MCF2L2: variants seen among roughly 807,000 people sequenced by gnomAD.
The protein encoded by MCF2L2 is MCF.2 cell line derived transforming sequence-like 2.
MCF2L2 carries 102 observed loss-of-function variants against 150.2 expected under a neutral mutation model. The ratio of observed to expected loss-of-function variants is 0.68; its 90% confidence interval spans 0.58 to 0.80. The LOEUF (loss-of-function observed/expected upper bound fraction) is 0.80, where lower values mean the gene tolerates loss of function less well. Ranked by LOEUF, MCF2L2 falls within the 30% of genes least tolerant of loss-of-function variation. The pLI is 0.00. For missense variants in MCF2L2, 1,256 were observed against 1,372.8 expected (o/e 0.91, Z 1.34); for synonymous variants, 465 against 491.3 (o/e 0.95, Z 0.71).
At chr3:183,354,913 G>A (rs547753715) in intron 3 of MCF2L2, among the ~76,000 whole-genome samples, 69 of 151,910 alleles carry the variant, frequency 4.5e-4, no homozygotes, top group African/African-American at 1.6e-3. Context: ...GCATGCAAAG[G>A]GAATAAATCC....
At chr3:183,240,061 TC>T (rs1723940368) in intron 15 of MCF2L2, among the ~76,000 whole-genome samples, 1 of 152,172 alleles carries the variant, frequency 6.6e-6, no homozygotes, top group African/African-American at 2.4e-5. Flanking sequence ...GCTCCTTATA[TC>T]ATCTCTCAAC....
intron 1 of MCF2L2, among the ~76,000 whole-genome samples, chr3:183,399,410 T>C (rs1714625041): frequency 1.3e-5 from 2 of 152,302 alleles, no homozygotes; most frequent in Admixed American, 1.3e-4. Flanking sequence ...GGAATAAATG[T>C]ATTATAAACA....
chr3:183,326,492 C>CAAAA (rs890481068), intron 5 of MCF2L2, among the ~76,000 whole-genome samples: 73 of 38,738 alleles, frequency 1.9e-3, no homozygotes, highest in East Asian at 7.7e-3. Context: ...AACTCCGTCT[C>CAAAA]AAAAAAAAAA....
At chr3:183,381,836 A>T (rs899220722) in intron 2 of MCF2L2, among the ~76,000 whole-genome samples, 2 of 152,184 alleles carry the variant, frequency 1.3e-5, no homozygotes, top group African/African-American at 4.8e-5. Flanking sequence ...TTCATCTAAT[A>T]ATATTCTTCC....
intron 15 of MCF2L2, among the ~76,000 whole-genome samples, chr3:183,256,919 C>A (rs573508557): frequency 3.3e-5 from 5 of 152,198 alleles, no homozygotes; most frequent in Non-Finnish European, 7.3e-5. Context: ...AGGGATGATA[C>A]TTCTGCCTCA....
chr3:183,410,650 C>A (rs950125531), intron 1 of MCF2L2, among the ~76,000 whole-genome samples: 3 of 152,230 alleles, frequency 2.0e-5, no homozygotes, highest in Non-Finnish European at 2.9e-5. Context: ...GAATATGGGG[C>A]AAGGTTCCTG....
At chr3:183,349,609 C>T (rs1731033720) in intron 3 of MCF2L2, among the ~76,000 whole-genome samples, 1 of 152,206 alleles carries the variant, frequency 6.6e-6, no homozygotes, top group Admixed American at 6.6e-5. Context: ...TTATTGAGTT[C>T]CTATCATTTG....
At chr3:183,402,627 C>T (rs1714831338) in intron 1 of MCF2L2, among the ~76,000 whole-genome samples, 1 of 150,884 alleles carries the variant, frequency 6.6e-6, no homozygotes, top group African/African-American at 2.4e-5. Context: ...ATAAGGAGAC[C>T]ATGTCTCAAA....
At chr3:183,312,953 A>AT (rs1343926194) in intron 7 of MCF2L2, among the ~76,000 whole-genome samples, 1 of 152,128 alleles carries the variant, frequency 6.6e-6, no homozygotes, top group African/African-American at 2.4e-5. Flanking sequence ...CATTAGCCAC[A>AT]TGGCTGGCAC....
chr3:183,211,601 C>T (rs1378074479), intron 22 of MCF2L2, among the ~76,000 whole-genome samples: 1 of 152,224 alleles, frequency 6.6e-6, no homozygotes, highest in African/African-American at 2.4e-5. Context: ...CAGGGACATT[C>T]CCTGAGCAGG....
At chr3:183,415,714 ACAT>A (rs1715554288) in intron 1 of MCF2L2, among the ~76,000 whole-genome samples, 1 of 152,156 alleles carries the variant, frequency 6.6e-6, no homozygotes. Flanking sequence ...TTTGTATCAT[ACAT>A]CTTTTCCCAT....
intron 1 of MCF2L2, among the ~76,000 whole-genome samples, chr3:183,420,455 G>A (rs139812611): frequency 0.03 from 4,518 of 152,112 alleles, 210 homozygotes; most frequent in African/African-American, 0.1. Flanking sequence ...AAAATTAGCC[G>A]GGCGTTGTGG....
In MCF2L2 at chr3:183,179,394, C is replaced by T. The variant is rs779688134; in HGVS notation, c.3331G>A (p.Ala1111Thr). 3.4e-5 allele frequency: 52 copies of T among 1,548,630 alleles called. No individual in the cohort carries two copies. Among genetic ancestry groups the T allele is most frequent in the Non-Finnish European group, 3.9e-5 (45 of 1,146,888 alleles). ...CCGCAGGGAGGTCAGCTCTCCTGGG[C>T]GGAGGTCCTCGGGCGCAGCGCCCTC... The part of the protein sequence containing the change: ...QARALRPRTS[A>T]QES Residue 1111 changes from alanine (A) to threonine (T), a missense_variant, in exon 30 of 30, where the codon GCC becomes ACC. Ala to Thr is a moderately conservative substitution (Grantham distance 58). Transcript: ENST00000328913. This position sits in a 1 kb window ranked among gnomAD's most constrained non-coding sequence, Gnocchi z 4.2.
At chr3:183,416,576 C>T (rs1715599143) in intron 1 of MCF2L2, among the ~76,000 whole-genome samples, 1 of 152,170 alleles carries the variant, frequency 6.6e-6, no homozygotes, top group Admixed American at 6.6e-5. Flanking sequence ...GCTGGCAACA[C>T]AGCAGACAAT....
chr3:183,355,581 G>GGACT (rs1458758681), intron 3 of MCF2L2, among the ~76,000 whole-genome samples: 1 of 149,334 alleles, frequency 6.7e-6, no homozygotes, highest in Non-Finnish European at 1.5e-5. Flanking sequence ...CGAGTAGCTG[G>GGACT]GACTACAGGC....
chr3:183,238,182 G>A (rs867776146), intron 15 of MCF2L2, among the ~76,000 whole-genome samples: 21 of 151,274 alleles, frequency 1.4e-4, no homozygotes, highest in African/African-American at 2.2e-4. Flanking sequence ...TCCAACCTGC[G>A]GCCTGTGGCC....
intron 3 of MCF2L2, among the ~76,000 whole-genome samples, chr3:183,359,325 T>C (rs1217561072): frequency 3.3e-5 from 5 of 152,220 alleles, no homozygotes; most frequent in Non-Finnish European, 7.3e-5. Flanking sequence ...ATTACTATAC[T>C]AACAAAAGGT....
intron 1 of MCF2L2, among the ~76,000 whole-genome samples, chr3:183,397,881 T>C (rs530080229): frequency 2.6e-4 from 39 of 152,268 alleles, no homozygotes; most frequent in African/African-American, 9.1e-4. Context: ...AGAGGATTGG[T>C]TAAATAAATG....
chr3:183,288,064 T>A (rs1007312097), intron 14 of MCF2L2, among the ~76,000 whole-genome samples: 7 of 152,206 alleles, frequency 4.6e-5, no homozygotes, highest in Admixed American at 6.5e-5. Context: ...TATTCACAAT[T>A]CACAATTAAA....
Sources: gnomAD v4.1 joint callset for allele counts (sites outside exome capture counted in the v4.1 genomes callset) on GRCh38, gnomAD v4.1.1 for gene constraint, Gnocchi (gnomAD v3.1) non-coding constraint, MANE v1.5 for transcripts, NCBI Gene and HGNC (gene_info 2026-07-23, HGNC 2026-07-21) for gene names.